Variants in ATP6V0C observed in about 807,000 individuals in gnomAD.
The protein encoded by ATP6V0C is V-type proton ATPase 16 kDa proteolipid subunit c.
ATP6V0C carries 2 observed loss-of-function variants against 10.6 expected under a neutral mutation model. The ratio of observed to expected loss-of-function variants is 0.19; its 90% CI spans 0.08 to 0.59. The LOEUF (loss-of-function observed/expected upper bound fraction) is 0.59. Among genes scored for constraint, ATP6V0C ranks in the 20% least tolerant of loss-of-function variants. The probability of loss-of-function intolerance (pLI) is 0.90; values close to 1 mark genes in which losing one functional copy is unlikely to be tolerated. For missense variants in ATP6V0C, 89 were observed against 225.9 expected, an observed-to-expected ratio of 0.39 and a Z score of 3.88; for synonymous variants, 128 against 101.3, an observed-to-expected ratio of 1.26 and a Z score of -1.59.
intron 2 of ATP6V0C, 23 bp downstream of exon 2, chr16:2,519,424 T>C: frequency 1.9e-6 from 3 of 1,600,384 alleles, no homozygotes; most frequent in Non-Finnish European, 2.6e-6. Flanking sequence ...GTCAGGCCCC[T>C]GCCCAGGGCT....
intron 1 of ATP6V0C, among the ~76,000 whole-genome samples, chr16:2,515,389 T>C (rs1052607449): frequency 1.3e-5 from 2 of 152,196 alleles, no homozygotes; most frequent in Non-Finnish European, 2.9e-5. Flanking sequence ...AGTGCAGATA[T>C]GTGGAGGGTT....
chr16:2,516,019 G>C (rs1168725180), intron 1 of ATP6V0C, among the ~76,000 whole-genome samples: 1 of 151,954 alleles, frequency 6.6e-6, no homozygotes, highest in Non-Finnish European at 1.5e-5. Context: ...CTTATCCCTG[G>C]CTCTTCGGGA....
intron 1 of ATP6V0C, among the ~76,000 whole-genome samples, chr16:2,516,195 C>T (rs182093362): frequency 6.6e-6 from 1 of 151,598 alleles, no homozygotes; most frequent in East Asian, 1.9e-4. Context: ...TCACTACAGC[C>T]TCAACCTCCC....
Position 2,519,834 on chromosome 16 carries a change from G to A in ATP6V0C, c.*89G>A, listed in dbSNP as rs2065900304. On this transcript the variant is annotated 3_prime_UTR_variant, in exon 3 of 3. Transcript: ENST00000330398. ...GAACAGCCTGACACATACGCACGGG[G>A]CCGCCGCCCCCAGTAGTTGGTCTTG... 1 of 1,512,138 alleles carries A rather than the reference G, an allele frequency of 6.6e-7. No individual in the cohort carries two copies. Among genetic ancestry groups the A allele is most frequent in the East Asian group, 2.3e-5 (1 of 44,002 alleles). The allele number at this position is 1,512,138 out of a possible 1,614,324, so 93.7% of individuals were successfully genotyped here.
chr16:2,514,370 G>C (rs1402418665), intron 1 of ATP6V0C, 188 bp downstream of exon 1: 1 of 454,162 alleles, frequency 2.2e-6, no homozygotes, highest in Admixed American at 4.8e-5. Flanking sequence ...GGGGTCCGGG[G>C]CGCAGGGCGT....
chr16:2,519,036 T>A, intron 1 of ATP6V0C, 182 bp from the exon 2 acceptor site: 1 of 627,142 alleles, frequency 1.6e-6, no homozygotes, highest in South Asian at 2.3e-5. Context: ...CTGGCCTCCT[T>A]TTGCTTGCCC....
Position 2,519,849 on chromosome 16 carries a change from A to G in ATP6V0C, c.*104A>G, listed in dbSNP as rs1371322425. 1 of 1,451,900 alleles carries G rather than the reference A, an allele frequency of 6.9e-7. No individual in the cohort carries two copies. Among genetic ancestry groups the G allele is most frequent in the Non-Finnish European group, 9.6e-7 (1 of 1,046,246 alleles). The allele number at this position is 1,451,900 out of a possible 1,614,324, so 89.9% of individuals were successfully genotyped here. A position where few individuals can be genotyped will look rare whatever the true frequency, so the allele number is the denominator to read the frequency against. ...TACGCACGGGGCCGCCGCCCCCAGTAGTTGGTCTTGTACATGCGCAGTGTC... is the reference window on the plus strand; with the variant it reads ...TACGCACGGGGCCGCCGCCCCCAGTGGTTGGTCTTGTACATGCGCAGTGTC... On this transcript the variant is annotated 3_prime_UTR_variant, in exon 3 of 3. Coordinates refer to ENST00000330398, the MANE Select transcript of ATP6V0C (RefSeq NM_001694.4).
At position 2,514,011 on chromosome 16, in the gene ATP6V0C, GC is replaced by G. The variant is rs985993146; in HGVS notation, c.-90del. ...GACGGGCCGGATCGCCTTCGCCGCC[GC>G]CCGCCCGCAAACCTTCGTGCCCGGC... On this transcript the variant is annotated 5_prime_UTR_variant, in exon 1 of 3. Transcript: ENST00000330398. 119 of 1,211,906 alleles carry G rather than the reference GC, an allele frequency of 9.8e-5. 1 individual carries two copies. Among genetic ancestry groups the G allele is most frequent in the Admixed American group, 9.8e-4 (38 of 38,842 alleles). 75.1% of individuals were successfully genotyped at this position (1,211,906 alleles called of 1,614,324 possible). A position where few individuals can be genotyped will look rare whatever the true frequency, so the allele number is the denominator to read the frequency against.
chr16:2,514,097 C>G lies in ATP6V0C; in HGVS notation c.-7C>G. ...CCGCAGAGCTTGCCCCCTCCCCACC[C>G]GCAGACATGTCCGAGTCCAAGAGCG... On this transcript the variant is annotated 5_prime_UTR_variant, in exon 1 of 3. Coordinates refer to ENST00000330398, the MANE Select transcript of ATP6V0C (RefSeq NM_001694.4). The G allele has an allele frequency of 2.5e-6, 4 of 1,575,156 alleles. No individual in the cohort carries two copies. Among genetic ancestry groups the G allele is most frequent in the Non-Finnish European group, 3.4e-6 (4 of 1,161,984 alleles).
intron 1 of ATP6V0C, among the ~76,000 whole-genome samples, chr16:2,515,237 C>A (rs545011326): frequency 1.0e-3 from 155 of 152,250 alleles, no homozygotes; most frequent in African/African-American, 3.4e-3. Flanking sequence ...GAATGTGGGT[C>A]CGACGAGTTA....
Position 2,513,981 on chromosome 16 carries a change from C to T in ATP6V0C, c.-123C>T, listed in dbSNP as rs2065863130. The T allele has an allele frequency of 2.4e-6, 2 of 837,670 alleles. No individual in the cohort carries two copies. The highest frequency in any genetic ancestry group is 1.8e-5 in the African/African-American group (1 of 54,522). 51.9% of individuals were successfully genotyped at this position (837,670 alleles called of 1,614,324 possible). On this transcript the variant is annotated 5_prime_UTR_variant, in exon 1 of 3. Coordinates refer to ENST00000330398, the MANE Select transcript of ATP6V0C (RefSeq NM_001694.4). ...TGCGGTGCTGGTATTTAGAGCGCAG[C>T]GGCTGACGGGCCGGATCGCCTTCGC...
intron 1 of ATP6V0C, among the ~76,000 whole-genome samples, chr16:2,516,320 G>A (rs1447661391): frequency 6.6e-6 from 1 of 151,994 alleles, no homozygotes; most frequent in African/African-American, 2.4e-5. Context: ...TGTGGCTCAG[G>A]CTGGTCTCAA....
At chr16:2,515,852 GCTTGCCCTTGAAGCC>G (rs2065874717) in intron 1 of ATP6V0C, among the ~76,000 whole-genome samples, 2 of 152,168 alleles carry the variant, frequency 1.3e-5, no homozygotes, top group Non-Finnish European at 2.9e-5. Flanking sequence ...AGCTGTTGCT[GCTTGCCCTTGAAGCC>G]CTGAGTTTGT....
chr16:2,518,347 A>G (rs1374325147), intron 1 of ATP6V0C, among the ~76,000 whole-genome samples: 1 of 152,212 alleles, frequency 6.6e-6, no homozygotes, highest in Non-Finnish European at 1.5e-5. Flanking sequence ...TCTGGAGGAG[A>G]CAGGCCACCC....
Position 2,519,719 on chromosome 16 carries a change from G to C in ATP6V0C, c.442G>C (p.Val148Leu). 6.2e-7 allele frequency: 1 copy of C among 1,609,508 alleles called. No individual in the cohort carries two copies. The highest frequency in any genetic ancestry group is 8.5e-7 in the Non-Finnish European group (1 of 1,176,562). Reference sequence around the variant, plus strand: ...GGTGCTCGGCCTCTACGGTCTCATCGTCGCCCTCATCCTCTCCACAAAGTA... The same window carrying C: ...GGTGCTCGGCCTCTACGGTCTCATCCTCGCCCTCATCCTCTCCACAAAGTA... ...AEVLGLYGLIVALILSTK is the reference protein window; with the variant it reads ...AEVLGLYGLILALILSTK The change falls in exon 3 of 3, where the codon GTC (valine) becomes CTC (leucine). Residue 148 changes from valine (V) to leucine (L), a missense_variant. Coordinates refer to ENST00000330398, the MANE Select transcript of ATP6V0C (RefSeq NM_001694.4).
intron 1 of ATP6V0C, chr16:2,517,682 G>T: frequency 6.6e-6 from 1 of 151,816 alleles, no homozygotes. Flanking sequence ...TTCCACCTCT[G>T]ACATATGTAG....
At chr16:2,517,713 TTG>T (rs142726423) in intron 1 of ATP6V0C, 71,642 of 141,254 alleles carry the variant, frequency 0.51, 17,879 homozygotes, top group Non-Finnish European at 0.56. Flanking sequence ...GTCAGGCTGT[TTG>T]TGTGTGTGTG....
chr16:2,519,097 C>A, intron 1 of ATP6V0C, 121 bp from the exon 2 acceptor site: 1 of 1,205,872 alleles, frequency 8.3e-7, no homozygotes, highest in Non-Finnish European at 1.1e-6. Context: ...CCTTCTTCGG[C>A]TCCCCCTCTG....
chr16:2,519,886 C>A lies in ATP6V0C; in HGVS notation c.*141C>A. On this transcript the variant is annotated 3_prime_UTR_variant, in exon 3 of 3. Transcript: ENST00000330398. The stretch of plus-strand genomic sequence containing the variant: ...ACATGCGCAGTGTCCTAGTGCCCAT[C>A]GTCTGTTTCCCCGGCCTTGCCCCCG... The A allele has an allele frequency of 1.7e-6, 2 of 1,194,112 alleles. No homozygotes were observed. Among genetic ancestry groups the A allele is most frequent in the Non-Finnish European group, 2.4e-6 (2 of 829,202 alleles). The allele number at this position is 1,194,112 out of a possible 1,614,324, so 74.0% of individuals were successfully genotyped here.
Sources: gnomAD v4.1 joint callset for allele counts (sites outside exome capture counted in the v4.1 genomes callset) on GRCh38, gnomAD v4.1.1 for gene constraint, MANE v1.5 for transcripts, NCBI Gene and HGNC (gene_info 2026-07-23, HGNC 2026-07-21) for gene names.